The following FANCC variants were observed in gnomAD, a reference collection of about 807,000 sequenced individuals.
The protein encoded by FANCC is FA complementation group C, also known as Fanconi anemia group C protein.
Under a neutral mutation model 71.3 loss-of-function variants are expected in FANCC, and 55 were observed. The ratio of observed to expected loss-of-function variants is 0.77; its 90% CI spans 0.62 to 0.97. FANCC has a LOEUF of 0.97. Ranked by LOEUF, FANCC falls within the 50% of genes least tolerant of loss-of-function variation. The pLI is 0.00. For missense variants in FANCC, 678 were observed against 670.9 expected (o/e 1.01, Z -0.12); for synonymous variants, 275 against 244.9 (o/e 1.12, Z -1.15).
intron 7 of FANCC, 143 bp from the exon 8 acceptor site, chr9:95,135,645 C>G (rs1299922023): frequency 1.4e-6 from 1 of 691,780 alleles, no homozygotes; most frequent in Non-Finnish European, 2.5e-6. Context: ...TTTATAGAAT[C>G]AGTGAATATT....
rs756057377 is a variant in FANCC at position 95,240,662 on chromosome 9, T to C, written c.332A>G (p.Asn111Ser). Residue 111 changes from asparagine (N) to serine (S), a missense_variant, in exon 4 of 15, where the codon AAC becomes AGC. Transcript: ENST00000289081. ...EPQNSGQSKL[N>S]SWIQGVLSHI... ...TTACTCTCTTACCTGTATCCAGGAG[T>C]TAAGTTTTGATTGTCCAGAATTCTG... is the stretch of plus-strand genomic sequence containing the variant. 6.2e-7 allele frequency: 1 copy of C among 1,608,178 alleles called. No homozygotes were observed. The highest frequency in any genetic ancestry group is 1.1e-5 in the South Asian group (1 of 90,920).
intron 5 of FANCC, 98 bp downstream of exon 5, chr9:95,171,939 C>T (rs920758434): frequency 1.1e-5 from 9 of 783,994 alleles, no homozygotes; most frequent in African/African-American, 6.9e-5. Flanking sequence ...AAAAGTTAAA[C>T]ATCTCTTCTG....
chr9:95,269,110 A>G (rs1009638557), intron 1 of FANCC, among the ~76,000 whole-genome samples: 40 of 152,210 alleles, frequency 2.6e-4, no homozygotes, highest in Admixed American at 2.6e-3. Flanking sequence ...AAAAAGAAGC[A>G]GCATGCCTTC....
intron 1 of FANCC, among the ~76,000 whole-genome samples, chr9:95,295,372 C>CAA (rs1834303557): frequency 6.6e-6 from 1 of 151,858 alleles, no homozygotes; most frequent in Non-Finnish European, 1.5e-5. Flanking sequence ...CAAAACAAAA[C>CAA]AAAACAAAGC....
At chr9:95,226,923 G>A (rs1312679508) in intron 4 of FANCC, among the ~76,000 whole-genome samples, 1 of 152,078 alleles carries the variant, frequency 6.6e-6, no homozygotes, top group African/African-American at 2.4e-5. Context: ...CAGCCCTCCC[G>A]TCCCAGCACA....
intron 1 of FANCC, among the ~76,000 whole-genome samples, chr9:95,287,977 A>G (rs1387789467): frequency 6.6e-6 from 1 of 152,178 alleles, no homozygotes; most frequent in Non-Finnish European, 1.5e-5. Context: ...TCTAGCTGAT[A>G]AGGAACCCCT....
chr9:95,167,089 G>A (rs916329189), intron 6 of FANCC, among the ~76,000 whole-genome samples: 1 of 152,026 alleles, frequency 6.6e-6, no homozygotes, highest in African/African-American at 2.4e-5. Context: ...TTGATTGGAA[G>A]GGTTTTTTGT....
chr9:95,112,669 G>A (rs548118824), intron 12 of FANCC, among the ~76,000 whole-genome samples: 1 of 152,348 alleles, frequency 6.6e-6, no homozygotes, highest in Admixed American at 6.5e-5. Flanking sequence ...ACAGAGCAGT[G>A]AGGCTCCCTC....
intron 1 of FANCC, among the ~76,000 whole-genome samples, chr9:95,272,040 C>T (rs1339166479): frequency 6.7e-6 from 1 of 149,474 alleles, no homozygotes; most frequent in Non-Finnish European, 1.5e-5. Flanking sequence ...GGGTTCACGC[C>T]ATTCTCCTGC....
At chr9:95,107,446 A>G in intron 13 of FANCC, 177 bp from the exon 14 acceptor site, 1 of 687,138 alleles carries the variant, frequency 1.5e-6, no homozygotes, top group South Asian at 1.7e-5. Context: ...AAATGGGCGG[A>G]ATGGAAATTT....
chr9:95,164,570 G>C (rs1033105843), intron 6 of FANCC, among the ~76,000 whole-genome samples: 2 of 152,024 alleles, frequency 1.3e-5, no homozygotes, highest in Non-Finnish European at 1.5e-5. Context: ...TGTGGTTTTT[G>C]TTCATCATTT....
intron 1 of FANCC, among the ~76,000 whole-genome samples, chr9:95,287,183 T>A (rs563766391): frequency 6.6e-6 from 1 of 152,128 alleles, no homozygotes; most frequent in Non-Finnish European, 1.5e-5. Context: ...TTACATATCA[T>A]GTACGAGATG....
intron 3 of FANCC, among the ~76,000 whole-genome samples, chr9:95,242,740 C>G (rs532137417): frequency 1.3e-5 from 2 of 152,148 alleles, no homozygotes; most frequent in African/African-American, 4.8e-5. Context: ...CACTGAAATG[C>G]ACTGCTAATG....
intron 1 of FANCC, among the ~76,000 whole-genome samples, chr9:95,284,282 C>G (rs1232241292): frequency 6.6e-6 from 1 of 152,188 alleles, no homozygotes; most frequent in Non-Finnish European, 1.5e-5. Flanking sequence ...TACTATCCCA[C>G]AAATATTAGA....
chr9:95,293,872 C>A, intron 1 of FANCC: 3 of 1,607,864 alleles, frequency 1.9e-6, no homozygotes, highest in Middle Eastern at 1.7e-4. Flanking sequence ...ATGGACCAAG[C>A]TGGAATGTGC....
At chr9:95,250,875 C>A (rs943177376) in intron 1 of FANCC, among the ~76,000 whole-genome samples, 2 of 152,202 alleles carry the variant, frequency 1.3e-5, no homozygotes, top group African/African-American at 4.8e-5. Flanking sequence ...GTAAATGAGA[C>A]CAGCACATTC....
chr9:95,150,757 A>T (rs1307058195), intron 6 of FANCC, among the ~76,000 whole-genome samples: 2 of 152,104 alleles, frequency 1.3e-5, no homozygotes, highest in African/African-American at 2.4e-5. Context: ...TGTTTCACTG[A>T]CTTAATCTCC....
Position 95,230,622 on chromosome 9 carries a change from G to A in FANCC, c.345+10027C>T, listed in dbSNP as rs1046436260. ...GGGTTCGTGGTCTCTCTGACTTCAG[G>A]AGTGAAGCCGCAGACCTTCGCAGTG... On this transcript the variant is annotated intron_variant, in intron 4 of 14. Coordinates refer to ENST00000289081, the MANE Select transcript of FANCC (RefSeq NM_000136.3). 7.2e-5 allele frequency among the ~76,000 whole-genome samples: 11 copies of A among 152,114 alleles called. No homozygotes were observed. The East Asian group carries it at 2.1e-3, about 29-fold the overall frequency.
At chr9:95,257,550 A>G (rs1474669122) in intron 1 of FANCC, among the ~76,000 whole-genome samples, 1 of 152,258 alleles carries the variant, frequency 6.6e-6, no homozygotes, top group African/African-American at 2.4e-5. Context: ...AGGGAAATTT[A>G]TAGCACTAAA....
Sources: gnomAD v4.1 joint callset for allele counts (sites outside exome capture counted in the v4.1 genomes callset) on GRCh38, gnomAD v4.1.1 for gene constraint, MANE v1.5 for transcripts, NCBI Gene and HGNC (gene_info 2026-07-23, HGNC 2026-07-21) for gene names.